The following PCDHA1 variants were observed in gnomAD, a reference collection of about 807,000 sequenced individuals.
The protein encoded by PCDHA1 is protocadherin alpha-1.
A neutral mutation model predicts 61.3 loss-of-function variants in PCDHA1; 42 were observed. The ratio of observed to expected loss-of-function variants is 0.69; its 90% CI spans 0.54 to 0.89. PCDHA1 has a LOEUF of 0.89. Among genes scored for constraint, PCDHA1 ranks in the 40% least tolerant of loss-of-function variants. The probability of loss-of-function intolerance (pLI) is 0.00; values close to 1 mark genes in which losing one functional copy is unlikely to be tolerated. For synonymous variants in PCDHA1, 610 were observed against 553.8 expected (o/e 1.10, Z -1.43); for missense variants, 1,256 against 1,235.3 (o/e 1.02, Z -0.25).
At position 140,882,588 on chromosome 5, in the gene PCDHA1, A is replaced by G; in HGVS notation, c.2394+93904A>G. The G allele has an allele frequency of 1.2e-6, 2 of 1,614,186 alleles. No homozygotes were observed. Among genetic ancestry groups the G allele is most frequent in the African/African-American group, 1.3e-5 (1 of 75,040 alleles). ...AGCGCGGAGTGCAGCATCCACCTGG[A>G]GGTGATCGTGGACAGGCCTCTGCAG... On this transcript the variant is annotated intron_variant, in intron 1 of 3. Coordinates refer to ENST00000504120, the MANE Select transcript of PCDHA1 (RefSeq NM_018900.4).
In PCDHA1 at chr5:140,787,978, C is replaced by A. The variant is rs61743802; in HGVS notation, c.1688C>A (p.Pro563Gln). The A allele has an allele frequency of 1.7e-5, 27 of 1,613,860 alleles. No individual in the cohort carries two copies. Among genetic ancestry groups the A allele is most frequent in the African/African-American group, 2.7e-5 (2 of 74,928 alleles). ...GTGCTGGACGAGAACGACAACGCGC[C>A]GGCGCTGCTGGCGCCTCGAGTGGGT... is the stretch of plus-strand genomic sequence containing the variant. ...VFVLDENDNA[P>Q]ALLAPRVGGT... Residue 563 changes from proline (P) to glutamine (Q), a missense_variant, in exon 1 of 4, where the codon CCG becomes CAG. Pro to Gln is a moderately conservative substitution (Grantham distance 76). Transcript: ENST00000504120.
intron 1 of PCDHA1, among the ~76,000 whole-genome samples, chr5:140,793,796 T>C (rs1434607031): frequency 1.3e-5 from 2 of 152,228 alleles, no homozygotes; most frequent in South Asian, 4.1e-4. Flanking sequence ...TGTATTGTTC[T>C]TGCATAAAAG....
chr5:140,912,235 C>G (rs562096532), intron 1 of PCDHA1, among the ~76,000 whole-genome samples: 2 of 151,858 alleles, frequency 1.3e-5, no homozygotes, highest in South Asian at 4.2e-4. Context: ...TCCACTGACT[C>G]AAATGTTAAT....
intron 1 of PCDHA1, chr5:140,808,221 A>G (rs566917401): frequency 6.2e-7 from 1 of 1,614,226 alleles, no homozygotes; most frequent in African/African-American, 1.3e-5. Context: ...GACAACAACG[A>G]TAATGTCCCA....
intron 1 of PCDHA1, among the ~76,000 whole-genome samples, chr5:140,917,087 C>G (rs1275905052): frequency 6.6e-6 from 1 of 152,100 alleles, no homozygotes; most frequent in Non-Finnish European, 1.5e-5. Flanking sequence ...GTAAAGTTCC[C>G]CAGTTGCTGT....
At position 140,857,387 on chromosome 5, in the gene PCDHA1, G is replaced by C. The variant is rs369919324; in HGVS notation, c.2394+68703G>C. 21 of 1,598,586 alleles carry C rather than the reference G, an allele frequency of 1.3e-5. 1 individual carries two copies. The Admixed American group carries it at 3.5e-4, about 27-fold the overall frequency. On this transcript the variant is annotated intron_variant, in intron 1 of 3. Coordinates refer to ENST00000504120, the MANE Select transcript of PCDHA1 (RefSeq NM_018900.4). The stretch of plus-strand genomic sequence containing the variant: ...CAGCGTGTCTGTGGAGGTGGCCGAC[G>C]TGAACGACAACGCGCCTGCGTTCGC...
rs187904552 is a variant in PCDHA1 at position 140,875,781 on chromosome 5, T to C, written c.2394+87097T>C. ...TGTGCGGGCGGAGCGCGGAGTGCAGTATCCACCTGGAGGTGATCGTGGACA... is the reference window on the plus strand; with the variant it reads ...TGTGCGGGCGGAGCGCGGAGTGCAGCATCCACCTGGAGGTGATCGTGGACA... On this transcript the variant is annotated intron_variant, in intron 1 of 3. Coordinates refer to ENST00000504120, the MANE Select transcript of PCDHA1 (RefSeq NM_018900.4). 4.7e-3 allele frequency: 7,631 copies of C among 1,614,134 alleles called. 28 individuals carry two copies. Among genetic ancestry groups the C allele is most frequent in the Middle Eastern group, 6.4e-3 (39 of 6,062 alleles).
At chr5:140,964,783 A>C (rs2095854085) in intron 1 of PCDHA1, among the ~76,000 whole-genome samples, 1 of 152,018 alleles carries the variant, frequency 6.6e-6, no homozygotes, top group East Asian at 1.9e-4. Context: ...AAGAGGAAGA[A>C]GCCAGAGACC....
At chr5:140,966,268 A>C (rs542154117) in intron 1 of PCDHA1, 5 of 351,754 alleles carry the variant, frequency 1.4e-5, no homozygotes, top group African/African-American at 1.0e-4. Context: ...AGACTGGATG[A>C]ACTGGACAGT....
chr5:140,949,809 G>A (rs782774481), intron 1 of PCDHA1, among the ~76,000 whole-genome samples: 1 of 151,712 alleles, frequency 6.6e-6, no homozygotes. Flanking sequence ...TACATTATTT[G>A]CTTTCTATTT....
At chr5:140,881,048 C>T (rs1409752539) in intron 1 of PCDHA1, among the ~76,000 whole-genome samples, 1 of 152,142 alleles carries the variant, frequency 6.6e-6, no homozygotes, top group Non-Finnish European at 1.5e-5. Context: ...TAGAGTTGTG[C>T]ACAGAACAGG....
At chr5:140,802,523 C>T (rs782486389) in intron 1 of PCDHA1, 9 of 1,614,050 alleles carry the variant, frequency 5.6e-6, no homozygotes, top group African/African-American at 5.3e-5. Flanking sequence ...CCAGCGTGTC[C>T]GTGGAGGTGG....
intron 1 of PCDHA1, among the ~76,000 whole-genome samples, chr5:140,912,042 A>G (rs782622902): frequency 6.6e-6 from 1 of 152,216 alleles, no homozygotes; most frequent in African/African-American, 2.4e-5. Flanking sequence ...CCAAGTCCCA[A>G]AGCTGAAGAA....
chr5:140,807,669 A>C (rs782656312), intron 1 of PCDHA1: 28 of 1,614,110 alleles, frequency 1.7e-5, no homozygotes, highest in South Asian at 4.4e-5. Context: ...TCGGATGCAG[A>C]TATCGGGGAG....
chr5:140,841,292 A>C, intron 1 of PCDHA1: 1 of 1,561,784 alleles, frequency 6.4e-7, no homozygotes, highest in Non-Finnish European at 8.6e-7. Flanking sequence ...TATTAAGATA[A>C]TATTTTCTGA....
At position 140,788,010 on chromosome 5, in the gene PCDHA1, A is replaced by C; in HGVS notation, c.1720A>C (p.Ile574Leu). Residue 574 changes from isoleucine to leucine, a missense_variant, in exon 1 of 4, where the codon ATT (isoleucine) becomes CTT (leucine). By Grantham distance (5) the Ile-to-Leu change is conservative (BLOSUM62 2). Coordinates refer to ENST00000504120, the MANE Select transcript of PCDHA1 (RefSeq NM_018900.4). ...ALLAPRVGGT[I>L]GAVSELVPRL... ...GCTGGCGCCTCGAGTGGGTGGCACT[A>C]TTGGTGCAGTCAGTGAGCTGGTGCC... 1 of 1,613,950 alleles carries C rather than the reference A, an allele frequency of 6.2e-7. No individual in the cohort carries two copies. The highest frequency in any genetic ancestry group is 1.7e-5 in the Admixed American group (1 of 60,022).
intron 1 of PCDHA1, among the ~76,000 whole-genome samples, chr5:140,820,184 T>C (rs1404871030): frequency 2.6e-5 from 4 of 151,968 alleles, no homozygotes; most frequent in Non-Finnish European, 5.9e-5. Context: ...GTCTGGGAAA[T>C]TGATTTGTGT....
chr5:140,904,877 AC>A (rs2071441380), intron 1 of PCDHA1, among the ~76,000 whole-genome samples: 1 of 151,792 alleles, frequency 6.6e-6, no homozygotes, highest in African/African-American at 2.4e-5. Context: ...TCCTTAGCTC[AC>A]TTTTTGATGG....
At chr5:140,841,297 T>A (rs2150312765) in intron 1 of PCDHA1, 1 of 1,566,194 alleles carries the variant, frequency 6.4e-7, no homozygotes, top group South Asian at 1.2e-5. Flanking sequence ...AGATAATATT[T>A]TCTGATAGGA....
Sources: gnomAD v4.1 joint callset for allele counts (sites outside exome capture counted in the v4.1 genomes callset) on GRCh38, gnomAD v4.1.1 for gene constraint, MANE v1.5 for transcripts, NCBI Gene and HGNC (gene_info 2026-07-23, HGNC 2026-07-21) for gene names.